PTPRG: variants seen among roughly 807,000 people sequenced by gnomAD.
PTPRG encodes the protein protein tyrosine phosphatase receptor type G, also known as receptor-type tyrosine-protein phosphatase gamma.
A neutral mutation model predicts 165.3 loss-of-function variants in PTPRG; 102 were observed. The observed-to-expected ratio is 0.62, with a 90% CI of 0.53 to 0.73. PTPRG has a LOEUF of 0.73. Among genes scored for constraint, PTPRG ranks in the 30% least tolerant of loss-of-function variants. PTPRG has a pLI of 0.00. For missense variants in PTPRG, 1,866 were observed against 1,861.4 expected, an observed-to-expected ratio of 1.00 and a Z score of -0.05; for synonymous variants, 675 against 669.5, an observed-to-expected ratio of 1.01 and a Z score of -0.13.
chr3:61,672,570 A>T (rs1703046743), intron 1 of PTPRG, among the ~76,000 whole-genome samples: 1 of 100,998 alleles, frequency 9.9e-6, no homozygotes, highest in Non-Finnish European at 2.1e-5. Context: ...AAATAAGAAA[A>T]CCAGTCAGGC....
chr3:61,752,471 G>C (rs1248337314), intron 2 of PTPRG, among the ~76,000 whole-genome samples: 6 of 152,004 alleles, frequency 3.9e-5, no homozygotes, highest in Admixed American at 3.9e-4. Flanking sequence ...GAAAAGCCTA[G>C]AATATTACTG....
intron 2 of PTPRG, among the ~76,000 whole-genome samples, chr3:61,880,897 C>G (rs1464326389): frequency 6.6e-6 from 1 of 150,596 alleles, no homozygotes; most frequent in Non-Finnish European, 1.5e-5. Flanking sequence ...CAGGAGATTT[C>G]CAATGGGGTC....
rs571555727 is a variant in PTPRG, at chr3:61,704,954, T to C, written c.86-43924T>C. Among the ~76,000 whole-genome samples, 6 of 152,312 alleles carry C rather than the reference T, an allele frequency of 3.9e-5. No homozygotes were observed. In the South Asian group the frequency reaches 8.3e-4, roughly 21 times the overall value. On this transcript the variant is annotated intron_variant, in intron 1 of 29. Coordinates refer to ENST00000474889, the MANE Select transcript of PTPRG (RefSeq NM_002841.4). ...CATTTGCAGCTCAGCTTCCCTGGCTTCCTGCAAGTAGGTCCTTGCTGAGAG... is the reference window on the plus strand; with the variant it reads ...CATTTGCAGCTCAGCTTCCCTGGCTCCCTGCAAGTAGGTCCTTGCTGAGAG...
intron 2 of PTPRG, among the ~76,000 whole-genome samples, chr3:61,835,992 A>T (rs1183875525): frequency 6.6e-6 from 1 of 151,378 alleles, no homozygotes; most frequent in Non-Finnish European, 1.5e-5. Flanking sequence ...GTGAGCTAAG[A>T]TCGCGCCATT....
At chr3:61,766,063 ATCTC>A (rs1351532500) in intron 2 of PTPRG, among the ~76,000 whole-genome samples, 1 of 152,220 alleles carries the variant, frequency 6.6e-6, no homozygotes, top group African/African-American at 2.4e-5. Context: ...TAATATATCT[ATCTC>A]AATACTCCTA....
chr3:61,563,904 A>AC (rs1488076055), intron 1 of PTPRG, among the ~76,000 whole-genome samples: 3 of 152,042 alleles, frequency 2.0e-5, no homozygotes, highest in African/African-American at 4.8e-5. Context: ...GGTATTCTGC[A>AC]CCCCCTTTTC....
intron 25 of PTPRG, 22 bp downstream of exon 25, chr3:62,277,070 T>G (rs185234784): frequency 3.8e-6 from 6 of 1,590,668 alleles, no homozygotes; most frequent in Non-Finnish European, 4.3e-6. Context: ...CAGTTAATTA[T>G]AAATAAAGTC....
chr3:62,165,204 C>A (rs1220004095), intron 7 of PTPRG, among the ~76,000 whole-genome samples: 1 of 152,214 alleles, frequency 6.6e-6, no homozygotes, highest in Non-Finnish European at 1.5e-5. Context: ...CTTCCTTTAA[C>A]CTTTCCTCAC....
At position 62,195,241 on chromosome 3, in the gene PTPRG, T is replaced by G; in HGVS notation, c.1327+71T>G. The stretch of plus-strand genomic sequence containing the variant: ...CCTCCCAATGCTTTCTGCTTCTTCC[T>G]GCTCAGGTGCTGGGGAAAAATACAA... On this transcript the variant is annotated intron_variant, in intron 10 of 29. Transcript: ENST00000474889. This position sits in a 1 kb window ranked among gnomAD's most constrained non-coding sequence, Gnocchi z 4.4. The G allele has an allele frequency of 1.5e-6, 2 of 1,334,352 alleles. No individual in the cohort carries two copies. The highest frequency in any genetic ancestry group is 1.8e-4 in the Middle Eastern group (1 of 5,420). 82.7% of individuals were successfully genotyped at this position (1,334,352 alleles called of 1,614,324 possible).
chr3:62,137,119 A>G (rs1703738833), intron 6 of PTPRG, among the ~76,000 whole-genome samples: 1 of 152,196 alleles, frequency 6.6e-6, no homozygotes, highest in African/African-American at 2.4e-5. Context: ...TGGAAGCACT[A>G]AAAGGTATCT....
At chr3:62,036,658 C>T (rs1035497379) in intron 4 of PTPRG, among the ~76,000 whole-genome samples, 1 of 152,112 alleles carries the variant, frequency 6.6e-6, no homozygotes, top group African/African-American at 2.4e-5. Context: ...TATGCAACTT[C>T]TTGGGAAGGA....
intron 1 of PTPRG, among the ~76,000 whole-genome samples, chr3:61,629,039 T>G (rs745515982): frequency 1.3e-5 from 2 of 152,188 alleles, no homozygotes; most frequent in Non-Finnish European, 2.9e-5. Context: ...TGCTTTTTAT[T>G]GATTTCATTT....
chr3:61,706,805 A>ATTG (rs1559566215), intron 1 of PTPRG, among the ~76,000 whole-genome samples: 2 of 152,022 alleles, frequency 1.3e-5, no homozygotes, highest in African/African-American at 2.4e-5. Flanking sequence ...TATTATTATT[A>ATTG]TTATTTTTAA....
chr3:61,778,526 C>T (rs1177190392), intron 2 of PTPRG, among the ~76,000 whole-genome samples: 1 of 152,030 alleles, frequency 6.6e-6, no homozygotes, highest in Non-Finnish European at 1.5e-5. Flanking sequence ...AGGCCCGGAA[C>T]GTTGGGGTTT....
intron 5 of PTPRG, 140 bp from the exon 6 acceptor site, chr3:62,132,462 T>C: frequency 1.8e-5 from 12 of 657,252 alleles, no homozygotes; most frequent in Non-Finnish European, 2.8e-5. Flanking sequence ...CTGCATTTGG[T>C]GAGAGCCATG....
At position 62,254,735 on chromosome 3, in the gene PTPRG, AAACAAC is replaced by A. The variant is rs367760537; in HGVS notation, c.2468-374_2468-369del. Among the ~76,000 whole-genome samples the A allele has an allele frequency of 9.6e-4, 146 of 152,130 alleles. 1 individual carries two copies. The highest frequency in any genetic ancestry group is 1.5e-3 in the Non-Finnish European group (104 of 68,006). On this transcript the variant is annotated intron_variant, in intron 15 of 29. Transcript: ENST00000474889. The surrounding 1 kb of genome is among the most constrained non-coding windows in gnomAD (Gnocchi z 4.6). ...ACTCCATTGAACAGCAATTAAAAAA[AAACAAC>A]AACAACAACAACAAAGAAAACCCCT...
chr3:61,809,621 G>T (rs1212744865), intron 2 of PTPRG, among the ~76,000 whole-genome samples: 1 of 152,150 alleles, frequency 6.6e-6, no homozygotes, highest in Admixed American at 6.5e-5. Flanking sequence ...AGTGTGGACA[G>T]TGAATACTAT....
intron 2 of PTPRG, among the ~76,000 whole-genome samples, chr3:61,828,959 AGAT>A (rs377428912): frequency 1.3e-3 from 191 of 152,320 alleles, no homozygotes; most frequent in African/African-American, 4.3e-3. Context: ...AGCCTAGAAC[AGAT>A]GATTTCTCCA....
rs1166099629 is a variant in PTPRG at position 61,753,633 on chromosome 3, G to A, written c.190+4651G>A. The stretch of plus-strand genomic sequence containing the variant: ...TGGATCTTGCTCTTTCACCCAGGCT[G>A]GAGTGCAGTGCCTCGATCTCAGCTC... On this transcript the variant is annotated intron_variant, in intron 2 of 29. Coordinates refer to ENST00000474889, the MANE Select transcript of PTPRG (RefSeq NM_002841.4). 9 of 419,130 alleles carry A rather than the reference G, an allele frequency of 2.1e-5. No homozygotes were observed. The East Asian group carries it at 7.2e-4, about 34-fold the overall frequency. The allele number at this position is 419,130 out of a possible 1,614,324, so 26.0% of individuals were successfully genotyped here.
Sources: gnomAD v4.1 joint callset for allele counts (sites outside exome capture counted in the v4.1 genomes callset) on GRCh38, gnomAD v4.1.1 for gene constraint, Gnocchi (gnomAD v3.1) non-coding constraint, MANE v1.5 for transcripts, NCBI Gene and HGNC (gene_info 2026-07-23, HGNC 2026-07-21) for gene names.